Variants in MYH2 observed in about 807,000 individuals in gnomAD.
The protein encoded by MYH2 is myosin heavy chain 2.
Under a neutral mutation model 228.1 loss-of-function variants are expected in MYH2, and 139 were observed. The observed-to-expected ratio is 0.61, with a 90% CI of 0.53 to 0.70. MYH2 has a LOEUF of 0.70. MYH2 is among the 30% of genes least tolerant of loss of function. The probability of loss-of-function intolerance (pLI) is 0.00; values close to 1 mark genes in which losing one functional copy is unlikely to be tolerated. For missense variants in MYH2, 1,809 were observed against 2,357.5 expected (o/e 0.77, Z 4.82); for synonymous variants, 796 against 871.1 (o/e 0.91, Z 1.52).
rs745455408 is a variant in MYH2, at chr17:10,525,354, G to A, written c.4538-6C>T. ...CGTGAGGTCAGAAATCTCCTCTGTT[G>A]TTTGAGTAAAAGACAGGTAGGGATT... is the stretch of plus-strand genomic sequence containing the variant. On this transcript the variant is annotated splice_region_variant and splice_polypyrimidine_tract_variant and intron_variant, in intron 32 of 39. Coordinates refer to ENST00000245503, the MANE Select transcript of MYH2 (RefSeq NM_017534.6). This position sits in a 1 kb window ranked among gnomAD's most constrained non-coding sequence, Gnocchi z 4.2. 6.2e-7 allele frequency: 1 copy of A among 1,614,078 alleles called. No homozygotes were observed. Among genetic ancestry groups the A allele is most frequent in the Non-Finnish European group, 8.5e-7 (1 of 1,180,026 alleles).
rs150968280 is a variant in MYH2 at position 10,525,860 on chromosome 17, G to A, written c.4204C>T (p.Arg1402Trp). ...ACATGTTCCTCAGCTGCCTGCAGCC[G>A]CTGGGCCAGCTTCTTCCTTGAATAT... ...LEEAKKKLAQ[R>W]LQAAEEHVEA... The change falls in exon 31 of 40, where the codon CGG (arginine) becomes TGG (tryptophan). Residue 1402 changes from arginine to tryptophan, a missense_variant. Arg to Trp is a moderately radical substitution (Grantham distance 101). Around this residue, in one of 9 missense-constraint regions of MYH2, gnomAD observed 636 missense variants for 729.9 expected, o/e 0.87. Transcript: ENST00000245503. This position sits in a 1 kb window ranked among gnomAD's most constrained non-coding sequence, Gnocchi z 4.2. 7.9e-5 allele frequency: 128 copies of A among 1,614,032 alleles called. 3 individuals carry two copies. The highest frequency in any genetic ancestry group is 3.8e-4 in the South Asian group (35 of 91,088).
At position 10,547,489 on chromosome 17, in the gene MYH2, C is replaced by T; in HGVS notation, c.334G>A (p.Ala112Thr). 1.2e-6 allele frequency: 2 copies of T among 1,614,146 alleles called. No homozygotes were observed. The highest frequency in any genetic ancestry group is 1.3e-5 in the African/African-American group (1 of 75,040). Residue 112 changes from alanine to threonine, a missense_variant, in exon 4 of 40, where the codon GCC (alanine) becomes ACC (threonine). Around this residue, in one of 9 missense-constraint regions of MYH2, gnomAD observed 373 missense variants for 620.4 expected, o/e 0.60. Transcript: ENST00000245503. ...GGGACACTCACGTAGATCATCCAGG[C>T]TGCATAACGTTCTTTGAGGTTGTAC... Reference protein sequence around the residue: ...VLYNLKERYAAWMIYTYSGLF... With the variant: ...VLYNLKERYATWMIYTYSGLF...
At chr17:10,533,718 A>T (rs2073451563) in intron 19 of MYH2, 86 bp from the exon 20 acceptor site, 5 of 1,492,918 alleles carry the variant, frequency 3.3e-6, no homozygotes, top group Non-Finnish European at 4.6e-6. Context: ...TTTTTAAAGC[A>T]GAGCTTTAAA....
chr17:10,540,201 T>G lies in MYH2; in HGVS notation c.1009-135A>C, dbSNP rs532667163. 2.6e-4 allele frequency: 321 copies of G among 1,254,798 alleles called. 1 individual carries two copies. In the South Asian group the frequency reaches 3.6e-3, roughly 14 times the overall value. 77.7% of individuals were successfully genotyped at this position (1,254,798 alleles called of 1,614,324 possible). Reference sequence around the variant, plus strand: ...CAAGGAACCCCTTAGATTGGGTATATAGAGAGTTGGTCAACCAAAGGCCAG... The same window carrying G: ...CAAGGAACCCCTTAGATTGGGTATAGAGAGAGTTGGTCAACCAAAGGCCAG... On this transcript the variant is annotated intron_variant, in intron 11 of 39. Transcript: ENST00000245503.
chr17:10,530,158 C>A, intron 22 of MYH2, 84 bp from the exon 23 acceptor site: 2 of 1,608,324 alleles, frequency 1.2e-6, no homozygotes, highest in Non-Finnish European at 1.7e-6. Flanking sequence ...TGCATTTGAT[C>A]TTTTGAATTT....
In MYH2 at chr17:10,545,434, C is replaced by A. The variant is rs2073616699; in HGVS notation, c.417G>T (p.Val139=). 1 of 1,614,166 alleles carries A rather than the reference C, an allele frequency of 6.2e-7. No individual in the cohort carries two copies. Among genetic ancestry groups the A allele is most frequent in the African/African-American group, 1.3e-5 (1 of 75,042 alleles). ...GCTTTTTGCCTCGGTAGGCTGTCAC[C>A]ACCTCGGGCTTATACACAGGCAGCC... ...YKWLPVYKPE[V]VTAYRGKKRQ... The change falls in exon 5 of 40, where the codon GTG becomes GTT. Residue 139 remains valine (V), a synonymous_variant. Coordinates refer to ENST00000245503, the MANE Select transcript of MYH2 (RefSeq NM_017534.6).
At position 10,537,102 on chromosome 17, in the gene MYH2, T is replaced by C; in HGVS notation, c.1897+131A>G. ...ACAAATGTATAATTACAAGGCTGCC[T>C]ATCTATTCAATACTTGGAGGAACCA... On this transcript the variant is annotated intron_variant, in intron 16 of 39. Transcript: ENST00000245503. This position sits in a 1 kb window ranked among gnomAD's most constrained non-coding sequence, Gnocchi z 4.0. The C allele has an allele frequency of 8.2e-7, 1 of 1,217,856 alleles. No individual in the cohort carries two copies. The highest frequency in any genetic ancestry group is 1.2e-6 in the Non-Finnish European group (1 of 833,802). 75.4% of individuals were successfully genotyped at this position (1,217,856 alleles called of 1,614,324 possible).
Position 10,527,835 on chromosome 17 carries a change from G to C in MYH2, c.3784C>G (p.Leu1262Val), listed in dbSNP as rs777067614. 6.2e-7 allele frequency: 1 copy of C among 1,613,950 alleles called. No individual in the cohort carries two copies. The highest frequency in any genetic ancestry group is 1.3e-5 in the African/African-American group (1 of 75,046). Reference protein sequence around the residue: ...EKMCRTLEDQLSELKSKEEEQ... With the variant: ...EKMCRTLEDQVSELKSKEEEQ... ...TCTTCCTTTGATTTCAGTTCACTCA[G>C]TTGGTCCTCTAGAGTCCGGCACATT... The change falls in exon 28 of 40, where the codon CTG becomes GTG. Residue 1262 changes from leucine (L) to valine (V), a missense_variant. Leu to Val is a conservative substitution (Grantham distance 32). Transcript: ENST00000245503.
At chr17:10,538,938 T>C (rs1332702599) in intron 14 of MYH2, among the ~76,000 whole-genome samples, 2 of 152,212 alleles carry the variant, frequency 1.3e-5, no homozygotes, top group Non-Finnish European at 2.9e-5. Context: ...TCTAAGTATT[T>C]CTTAAAATAG....
At chr17:10,532,366 A>T (rs1215569477) in intron 21 of MYH2, among the ~76,000 whole-genome samples, 1 of 151,328 alleles carries the variant, frequency 6.6e-6, no homozygotes, top group East Asian at 1.9e-4. Context: ...GATATTAAAA[A>T]CTCAGAATTT....
At position 10,547,746 on chromosome 17, in the gene MYH2, T is replaced by C; in HGVS notation, c.175A>G (p.Lys59Glu). The C allele has an allele frequency of 6.2e-7, 1 of 1,614,254 alleles. No homozygotes were observed. Among genetic ancestry groups the C allele is most frequent in the Non-Finnish European group, 8.5e-7 (1 of 1,180,044 alleles). Reference protein sequence around the residue: ...KGTIQSREGGKVTVKTEGGAT... With the variant: ...KGTIQSREGGEVTVKTEGGAT... ...CCTCCCTCAGTCTTCACCGTCACTT[T>C]TCCTCCTTCTCTGCTCTGGATGGTC... Residue 59 changes from lysine (K) to glutamate (E), a missense_variant, in exon 3 of 40, where the codon AAA (lysine) becomes GAA (glutamate). By Grantham distance (56) the Lys-to-Glu change is moderately conservative. Around this residue, in one of 9 missense-constraint regions of MYH2, gnomAD observed 84 missense variants for 81.8 expected, o/e 1.03. Coordinates refer to ENST00000245503, the MANE Select transcript of MYH2 (RefSeq NM_017534.6).
chr17:10,540,970 C>T (rs771476913), intron 10 of MYH2, among the ~76,000 whole-genome samples: 1 of 152,224 alleles, frequency 6.6e-6, no homozygotes, highest in Non-Finnish European at 1.5e-5. Flanking sequence ...TTTATCACTT[C>T]CCCAATCAAT....
chr17:10,535,967 G>A (rs966826645), intron 17 of MYH2, among the ~76,000 whole-genome samples: 1 of 152,188 alleles, frequency 6.6e-6, no homozygotes, highest in African/African-American at 2.4e-5. Flanking sequence ...CTGAGTTCAT[G>A]TCATTGCTCT....
At position 10,547,784 on chromosome 17, in the gene MYH2, G is replaced by C; in HGVS notation, c.137C>G (p.Ser46Cys). The C allele has an allele frequency of 2.5e-6, 4 of 1,614,152 alleles. No individual in the cohort carries two copies. Among genetic ancestry groups the C allele is most frequent in the Middle Eastern group, 1.6e-4 (1 of 6,062 alleles). The part of the protein sequence containing the change: ...TSVFVAEPKE[S>C]FVKGTIQSRE... Reference sequence around the variant, plus strand: ...GCTCTGGATGGTCCCTTTGACAAAGGATTCTTTGGGCTCCGCCACAAAGAC... The same window carrying C: ...GCTCTGGATGGTCCCTTTGACAAAGCATTCTTTGGGCTCCGCCACAAAGAC... Residue 46 changes from serine (S) to cysteine (C), a missense_variant, in exon 3 of 40, where the codon TCC (serine) becomes TGC (cysteine). Physicochemically the swap from Ser to Cys is moderately radical, Grantham distance 112. This residue lies in a region of MYH2 where 84 missense variants were observed against 81.8 expected (regional missense o/e 1.03). Transcript: ENST00000245503.
In MYH2 at chr17:10,537,796, C is replaced by T. The variant is rs752344685; in HGVS notation, c.1456G>A (p.Glu486Lys). 6.2e-7 allele frequency: 1 copy of T among 1,614,152 alleles called. No homozygotes were observed. The highest frequency in any genetic ancestry group is 8.5e-7 in the Non-Finnish European group (1 of 1,180,030). Residue 486 changes from glutamate (E) to lysine (K), a missense_variant, in exon 15 of 40, where the codon GAG (glutamate) becomes AAG (lysine). Glu to Lys is a moderately conservative substitution (Grantham distance 56). This residue lies in a region of MYH2 where 373 missense variants were observed against 620.4 expected (regional missense o/e 0.60). Transcript: ENST00000245503. The surrounding 1 kb of genome is among the most constrained non-coding windows in gnomAD (Gnocchi z 4.0). ...TGGTTGAAAAACTGTTGCAGTTTCTCATTGGTGAAGTTGATGCACAGCTGC... is the reference window on the plus strand; with the variant it reads ...TGGTTGAAAAACTGTTGCAGTTTCTTATTGGTGAAGTTGATGCACAGCTGC... ...LEQLCINFTN[E>K]KLQQFFNHHM...
chr17:10,527,574 T>G (rs1470921562), intron 28 of MYH2, among the ~76,000 whole-genome samples, 174 bp downstream of exon 28: 1 of 152,230 alleles, frequency 6.6e-6, no homozygotes, highest in East Asian at 1.9e-4. Flanking sequence ...TATTGAAACC[T>G]TTATCTCCAG....
chr17:10,521,895 T>A (rs919809658), intron 39 of MYH2, among the ~76,000 whole-genome samples: 2 of 152,202 alleles, frequency 1.3e-5, no homozygotes, highest in Non-Finnish European at 2.9e-5. Context: ...TCCTCCTGCA[T>A]TGGATGTAAT....
intron 10 of MYH2, among the ~76,000 whole-genome samples, chr17:10,541,891 G>T (rs989283260): frequency 3.9e-5 from 6 of 152,214 alleles, no homozygotes; most frequent in African/African-American, 1.4e-4. Flanking sequence ...GTTGATGACT[G>T]ATGGGCACTG....
rs2073446715 is a variant in MYH2, at chr17:10,533,357, A to C, written c.2369T>G (p.Leu790Arg). ...GCACCTGGCCTGGGTTCGGGTAATC[A>C]GCTGGGCCAGCTTGTCATCTCGCAT... ...EEMRDDKLAQLITRTQARCRG... is the reference protein window; with the variant it reads ...EEMRDDKLAQRITRTQARCRG... Residue 790 changes from leucine to arginine, a missense_variant, in exon 21 of 40, where the codon CTG (leucine) becomes CGG (arginine). Leu to Arg is a moderately radical substitution (Grantham distance 102). Coordinates refer to ENST00000245503, the MANE Select transcript of MYH2 (RefSeq NM_017534.6). 1 of 1,614,074 alleles carries C rather than the reference A, an allele frequency of 6.2e-7. No homozygotes were observed. The highest frequency in any genetic ancestry group is 1.3e-5 in the African/African-American group (1 of 74,932).
Sources: gnomAD v4.1 joint callset for allele counts (sites outside exome capture counted in the v4.1 genomes callset) on GRCh38, gnomAD v4.1.1 for gene constraint, gnomAD v4.1.1 regional missense constraint, Gnocchi (gnomAD v3.1) non-coding constraint, MANE v1.5 for transcripts, NCBI Gene and HGNC (gene_info 2026-07-23, HGNC 2026-07-21) for gene names.